The following DCLK1 variants were observed in gnomAD, a reference collection of about 807,000 sequenced individuals.
DCLK1 encodes doublecortin like kinase 1.
In DCLK1, 16 loss-of-function variants were observed where a neutral mutation model predicts 86.2. The observed-to-expected ratio is 0.19, with a 90% CI of 0.13 to 0.28. The LOEUF (loss-of-function observed/expected upper bound fraction) is 0.28. Among genes scored for constraint, DCLK1 ranks in the 10% least tolerant of loss-of-function variants. The pLI is 1.00. For synonymous variants in DCLK1, 369 were observed against 370.5 expected (o/e 1.00, Z 0.05); for missense variants, 590 against 940.2 (o/e 0.63, Z 4.87).
At chr13:36,095,151 A>C (rs1005137522) in intron 3 of DCLK1, among the ~76,000 whole-genome samples, 1 of 143,326 alleles carries the variant, frequency 7.0e-6, no homozygotes. Context: ...ATCCTCTGAT[A>C]TCTCTCTATC....
At chr13:35,965,077 T>A (rs1220395891) in intron 3 of DCLK1, among the ~76,000 whole-genome samples, 1 of 152,168 alleles carries the variant, frequency 6.6e-6, no homozygotes, top group Non-Finnish European at 1.5e-5. Flanking sequence ...TGCAAGTTCC[T>A]TTACATCATG....
At chr13:35,782,914 A>C (rs1593583747) in intron 16 of DCLK1, among the ~76,000 whole-genome samples, 1 of 152,352 alleles carries the variant, frequency 6.6e-6, no homozygotes, top group South Asian at 2.1e-4. Context: ...TGACTCAACT[A>C]CTCAACTCTG....
At chr13:35,956,691 T>C (rs979618597) in intron 3 of DCLK1, among the ~76,000 whole-genome samples, 2 of 2,396 alleles carry the variant, frequency 8.3e-4, no homozygotes, top group African/African-American at 2.8e-3. Context: ...GTAGGGAATA[T>C]GGATGAGCGA....
chr13:35,849,461 C>G, intron 6 of DCLK1: 1 of 985,284 alleles, frequency 1.0e-6, no homozygotes, highest in Non-Finnish European at 1.2e-6. Context: ...CCATGCTTCA[C>G]AAGTCTTAAA....
chr13:36,005,329 A>C (rs1880902355), intron 3 of DCLK1, among the ~76,000 whole-genome samples: 1 of 152,348 alleles, frequency 6.6e-6, no homozygotes, highest in East Asian at 1.9e-4. Flanking sequence ...TAAAATGTAT[A>C]TGCAAAAAGA....
rs1028401266 is a variant in DCLK1 at position 35,771,469 on chromosome 13, G to A, written c.*3066C>T. On this transcript the variant is annotated 3_prime_UTR_variant, in exon 17 of 17. Coordinates refer to ENST00000360631, the MANE Select transcript of DCLK1 (RefSeq NM_001330071.2). ...TCTTACTTTTCCTTCTAACGATCTGGAGCAAATCACATATTCATTGATCAT... is the reference window on the plus strand; with the variant it reads ...TCTTACTTTTCCTTCTAACGATCTGAAGCAAATCACATATTCATTGATCAT... The A allele has an allele frequency of 6.6e-6, 1 of 152,000 alleles. No individual in the cohort carries two copies. Among genetic ancestry groups the A allele is most frequent in the African/African-American group, 2.4e-5 (1 of 41,364 alleles). The allele number at this position is 152,000 out of a possible 1,614,324, so 9.4% of individuals were successfully genotyped here.
intron 3 of DCLK1, among the ~76,000 whole-genome samples, chr13:36,088,295 C>A (rs1234941738): frequency 3.9e-5 from 6 of 152,170 alleles, no homozygotes; most frequent in Admixed American, 3.9e-4. Flanking sequence ...AGAGGAGGCA[C>A]TGAGGGCTGA....
chr13:36,074,837 T>C (rs1448345570), intron 3 of DCLK1, among the ~76,000 whole-genome samples: 1 of 152,216 alleles, frequency 6.6e-6, no homozygotes, highest in Non-Finnish European at 1.5e-5. Flanking sequence ...TCCTTATGCT[T>C]TGTGCAGCCA....
chr13:35,796,931 A>T (rs1460157072), intron 15 of DCLK1, among the ~76,000 whole-genome samples: 1 of 152,214 alleles, frequency 6.6e-6, no homozygotes, highest in Non-Finnish European at 1.5e-5. Flanking sequence ...CCTGGGAATC[A>T]TCTGGTGGTC....
In DCLK1 at chr13:36,071,899, T is replaced by C. The variant is rs377005729; in HGVS notation, c.723+39970A>G. On this transcript the variant is annotated intron_variant, in intron 3 of 16. Coordinates refer to ENST00000360631, the MANE Select transcript of DCLK1 (RefSeq NM_001330071.2). ...AATTTTGTTGTAAAAGCTGAGAGCT[T>C]GCAAATCAAAACTGGAAAAATATCA... Among the ~76,000 whole-genome samples, 10 of 152,318 alleles carry C rather than the reference T, an allele frequency of 6.6e-5. No homozygotes were observed. The South Asian group carries it at 2.1e-3, about 32-fold the overall frequency.
chr13:35,976,030 G>A lies in DCLK1; in HGVS notation c.724-28573C>T, dbSNP rs543952610. Among the ~76,000 whole-genome samples the A allele has an allele frequency of 8.5e-5, 13 of 152,316 alleles. No individual in the cohort carries two copies. The South Asian group carries it at 2.5e-3, about 29-fold the overall frequency. On this transcript the variant is annotated intron_variant, in intron 3 of 16. Coordinates refer to ENST00000360631, the MANE Select transcript of DCLK1 (RefSeq NM_001330071.2). ...CTGGGCCACTAAGCAATGACACAGA[G>A]GGGAGCCAGTCCTCTAGGGAACTCC...
At chr13:36,003,272 C>A (rs1481510184) in intron 3 of DCLK1, among the ~76,000 whole-genome samples, 2 of 151,728 alleles carry the variant, frequency 1.3e-5, no homozygotes, top group Non-Finnish European at 2.9e-5. Context: ...GCCACAGACA[C>A]TTATAACAAA....
chr13:35,991,690 A>G (rs1465394743), intron 3 of DCLK1, among the ~76,000 whole-genome samples: 3 of 152,138 alleles, frequency 2.0e-5, no homozygotes, highest in Non-Finnish European at 4.4e-5. Flanking sequence ...ACTTGTATTA[A>G]GTAAATTTGC....
intron 3 of DCLK1, among the ~76,000 whole-genome samples, chr13:36,089,997 G>A (rs1265591018): frequency 1.3e-5 from 2 of 152,168 alleles, no homozygotes; most frequent in South Asian, 4.1e-4. Context: ...TGCATTGTGG[G>A]AATAAGCATT....
At chr13:36,074,572 C>T (rs987368258) in intron 3 of DCLK1, among the ~76,000 whole-genome samples, 1 of 144,092 alleles carries the variant, frequency 6.9e-6, no homozygotes, top group Admixed American at 7.1e-5. Flanking sequence ...ACAGATTATC[C>T]GTTGTTGAAT....
At chr13:35,782,724 C>CTACT (rs995964937) in intron 16 of DCLK1, among the ~76,000 whole-genome samples, 21 of 152,222 alleles carry the variant, frequency 1.4e-4, no homozygotes, top group African/African-American at 5.1e-4. Context: ...AAGGCCTCTT[C>CTACT]TACTAGGCAG....
intron 4 of DCLK1, among the ~76,000 whole-genome samples, chr13:35,876,611 C>A (rs908212287): frequency 6.6e-6 from 1 of 152,164 alleles, no homozygotes; most frequent in Admixed American, 6.5e-5. Context: ...CAGCTGATAA[C>A]CACAATTTTG....
intron 4 of DCLK1, among the ~76,000 whole-genome samples, chr13:35,890,907 C>T (rs1873605733): frequency 6.7e-6 from 1 of 148,764 alleles, no homozygotes; most frequent in Non-Finnish European, 1.5e-5. Flanking sequence ...TATTGATTAG[C>T]AAATATTCCA....
chr13:35,916,792 C>T (rs1247155138), intron 4 of DCLK1, among the ~76,000 whole-genome samples: 2 of 152,190 alleles, frequency 1.3e-5, no homozygotes, highest in Non-Finnish European at 2.9e-5. Flanking sequence ...TGACAAGGTT[C>T]AGGACATGCT....
Sources: allele counts gnomAD v4.1 joint callset (sites outside exome capture counted in the v4.1 genomes callset), GRCh38; gene constraint gnomAD v4.1.1; transcripts MANE v1.5; gene names NCBI Gene and HGNC (gene_info 2026-07-23, HGNC 2026-07-21).